The following TMOD2 variants were observed in gnomAD, a reference collection of about 807,000 sequenced individuals.
TMOD2 encodes tropomodulin-2.
Under a neutral mutation model 39.9 loss-of-function variants are expected in TMOD2, and 22 were observed. The observed-to-expected ratio is 0.55, with a 90% confidence interval of 0.39 to 0.79. The LOEUF is 0.79. Ranked by LOEUF, TMOD2 falls within the 30% of genes least tolerant of loss-of-function variation. TMOD2 has a pLI of 0.00. For synonymous variants in TMOD2, 123 were observed against 146.1 expected (o/e 0.84, Z 1.14); for missense variants, 386 against 413.3 (o/e 0.93, Z 0.57).
intron 8 of TMOD2, among the ~76,000 whole-genome samples, chr15:51,801,557 A>G (rs28534893): frequency 1.8e-4 from 27 of 152,270 alleles, no homozygotes; most frequent in African/African-American, 6.3e-4. Context: ...GGGCAGCTGC[A>G]CCAAAGCGAA....
At position 51,809,760 on chromosome 15, in the gene TMOD2, G is replaced by A. The variant is rs2056144316; in HGVS notation, c.*1306G>A. 6.6e-6 allele frequency: 1 copy of A among 152,018 alleles called. No individual in the cohort carries two copies. The highest frequency in any genetic ancestry group is 2.1e-4 in the South Asian group (1 of 4,814). The allele number at this position is 152,018 out of a possible 1,614,324, so 9.4% of individuals were successfully genotyped here. On this transcript the variant is annotated 3_prime_UTR_variant, in exon 10 of 10. Coordinates refer to ENST00000249700, the MANE Select transcript of TMOD2 (RefSeq NM_014548.4). ...TCCCCTCCCTTTCTTCCAATTCATT[G>A]TCTTTTTTTTCCTCTTTTCTCTGTA... is the stretch of plus-strand genomic sequence containing the variant.
chr15:51,800,583 C>A (rs115394070), intron 8 of TMOD2, among the ~76,000 whole-genome samples: 2,239 of 152,124 alleles, frequency 0.015, 63 homozygotes, highest in African/African-American at 0.051. Context: ...TCCCTAAAAT[C>A]CCCTCTAAAT....
At chr15:51,790,437 G>T (rs1476273819) in intron 7 of TMOD2, among the ~76,000 whole-genome samples, 1 of 152,136 alleles carries the variant, frequency 6.6e-6, no homozygotes, top group East Asian at 1.9e-4. Context: ...ACAAAAAGGA[G>T]CTGGTATCAT....
chr15:51,764,731 TC>T (rs2055805145), intron 1 of TMOD2, among the ~76,000 whole-genome samples: 1 of 152,154 alleles, frequency 6.6e-6, no homozygotes, highest in Non-Finnish European at 1.5e-5. Context: ...TACCAGCATA[TC>T]ATTTACTGTC....
chr15:51,789,608 A>C (rs1425868329), intron 7 of TMOD2, among the ~76,000 whole-genome samples: 2 of 152,200 alleles, frequency 1.3e-5, no homozygotes, highest in Non-Finnish European at 2.9e-5. Context: ...ACATAATTGG[A>C]AGTGAAACAC....
Position 51,768,281 on chromosome 15 carries a change from G to C in TMOD2, c.146G>C (p.Gly49Ala). The change falls in exon 3 of 10, where the codon GGA becomes GCA. Residue 49 changes from glycine to alanine, a missense_variant. Physicochemically the swap from Gly to Ala is moderately conservative, Grantham distance 60. Transcript: ENST00000249700. ...LDPESAMLPA[G>A]FRQKDQTQKA... ...TGTCAGAGTGCCATGCTGCCAGCTG[G>C]ATTTCGACAGAAAGACCAGACACAG... 1 of 1,614,160 alleles carries C rather than the reference G, an allele frequency of 6.2e-7. No individual in the cohort carries two copies. Among genetic ancestry groups the C allele is most frequent in the Non-Finnish European group, 8.5e-7 (1 of 1,180,030 alleles).
chr15:51,753,622 A>T (rs1359168428), intron 1 of TMOD2, among the ~76,000 whole-genome samples: 1 of 152,056 alleles, frequency 6.6e-6, no homozygotes, highest in Non-Finnish European at 1.5e-5. Context: ...AGATGATATT[A>T]TGGAATTGGT....
intron 7 of TMOD2, among the ~76,000 whole-genome samples, chr15:51,795,269 A>T (rs986134485): frequency 3.3e-5 from 5 of 149,432 alleles, no homozygotes; most frequent in East Asian, 1.9e-4. Context: ...ACAAGTATAT[A>T]AAAAAAATTA....
rs1415373988 is a variant in TMOD2, at chr15:51,809,736, C to T, written c.*1282C>T. On this transcript the variant is annotated 3_prime_UTR_variant, in exon 10 of 10. Transcript: ENST00000249700. ...AACTCACCCTCTATTCCTCCTTTCT[C>T]CCCTCCCTTTCTTCCAATTCATTGT... 2 of 151,810 alleles carry T rather than the reference C, an allele frequency of 1.3e-5. No homozygotes were observed. The highest frequency in any genetic ancestry group is 2.4e-5 in the African/African-American group (1 of 41,104). 9.4% of individuals were successfully genotyped at this position (151,810 alleles called of 1,614,324 possible).
intron 1 of TMOD2, among the ~76,000 whole-genome samples, chr15:51,752,055 C>T (rs188259590): frequency 6.6e-6 from 1 of 152,062 alleles, no homozygotes; most frequent in Non-Finnish European, 1.5e-5. Context: ...CTGTGTTCTT[C>T]CACTCCGGGC....
In TMOD2 at chr15:51,801,062, G is replaced by C. The variant is rs957879670; in HGVS notation, c.876+2722G>C. Among the ~76,000 whole-genome samples the C allele has an allele frequency of 7.2e-5, 11 of 152,136 alleles. No homozygotes were observed. The South Asian group carries it at 2.3e-3, about 32-fold the overall frequency. On this transcript the variant is annotated intron_variant, in intron 8 of 9. Transcript: ENST00000249700. ...GGATTAAGATTTTCTAGAGAGGCTGGGTGTGGTGGCTCACACCTGTAATCC... is the reference window on the plus strand; with the variant it reads ...GGATTAAGATTTTCTAGAGAGGCTGCGTGTGGTGGCTCACACCTGTAATCC...
intron 8 of TMOD2, among the ~76,000 whole-genome samples, chr15:51,800,675 T>C (rs749160216): frequency 2.0e-5 from 3 of 152,218 alleles, no homozygotes; most frequent in Non-Finnish European, 2.9e-5. Flanking sequence ...GCTTCTGAAA[T>C]GGCTTCTCTT....
At chr15:51,786,559 T>C (rs955143531) in intron 7 of TMOD2, among the ~76,000 whole-genome samples, 14 of 152,204 alleles carry the variant, frequency 9.2e-5, no homozygotes, top group Non-Finnish European at 1.5e-4. Flanking sequence ...ACAAGCCATT[T>C]TACAGATGAG....
At chr15:51,754,365 C>G (rs2055727960) in intron 1 of TMOD2, among the ~76,000 whole-genome samples, 1 of 152,148 alleles carries the variant, frequency 6.6e-6, no homozygotes, top group African/African-American at 2.4e-5. Flanking sequence ...TCCTCTCATT[C>G]CCTTGTGTGT....
chr15:51,758,698 TG>T, intron 1 of TMOD2, among the ~76,000 whole-genome samples: 1 of 152,022 alleles, frequency 6.6e-6, no homozygotes, highest in Non-Finnish European at 1.5e-5. Flanking sequence ...AGAACAGATG[TG>T]ATTAAAGGGG....
rs187964831 is a variant in TMOD2, at chr15:51,778,747, T to A, written c.493+1729T>A. Among the ~76,000 whole-genome samples, 3 of 138,838 alleles carry A rather than the reference T, an allele frequency of 2.2e-5. No homozygotes were observed. The East Asian group carries it at 6.9e-4, about 32-fold the overall frequency. 91.1% of individuals were successfully genotyped at this position (138,838 alleles called of 152,430 possible). On this transcript the variant is annotated intron_variant, in intron 5 of 9. Coordinates refer to ENST00000249700, the MANE Select transcript of TMOD2 (RefSeq NM_014548.4). ...TCGGCTCACTGCAACCTCCACCTCC[T>A]GGGTTCAAGCGATTCTCCTGCCTCA...
At chr15:51,767,587 C>G (rs1399586390) in intron 2 of TMOD2, among the ~76,000 whole-genome samples, 1 of 151,746 alleles carries the variant, frequency 6.6e-6, no homozygotes, top group East Asian at 1.9e-4. Flanking sequence ...AAAAGATATG[C>G]TGGAAATTGC....
At chr15:51,796,776 TA>T (rs1567245991) in intron 7 of TMOD2, among the ~76,000 whole-genome samples, 1 of 152,174 alleles carries the variant, frequency 6.6e-6, no homozygotes, top group Non-Finnish European at 1.5e-5. Flanking sequence ...CATGAGATGG[TA>T]AAATGCCTGT....
chr15:51,751,796 G>C (rs970606255), intron 1 of TMOD2, 84 bp downstream of exon 1: 30 of 150,462 alleles, frequency 2.0e-4, no homozygotes, highest in African/African-American at 7.3e-4. Context: ...TGGCCGCCGT[G>C]CCCTCCCTGC....
Sources: gnomAD v4.1 joint callset for allele counts (sites outside exome capture counted in the v4.1 genomes callset) on GRCh38, gnomAD v4.1.1 for gene constraint, MANE v1.5 for transcripts, NCBI Gene and HGNC (gene_info 2026-07-23, HGNC 2026-07-21) for gene names.